The following CPNE4 variants were observed in gnomAD, a reference collection of about 807,000 sequenced individuals.
The protein encoded by CPNE4 is copine 4, also known as copine-4.
In CPNE4, 25 loss-of-function variants were observed where a neutral mutation model predicts 67.9. The ratio of observed to expected loss-of-function variants is 0.37; its 90% CI spans 0.27 to 0.51. The LOEUF (loss-of-function observed/expected upper bound fraction) is 0.51, where lower values mean the gene tolerates loss of function less well. CPNE4 is among the 20% of genes least tolerant of loss of function. The probability of loss-of-function intolerance (pLI) is 0.93; values close to 1 mark genes in which losing one functional copy is unlikely to be tolerated. For missense variants in CPNE4, 464 were observed against 690.8 expected (o/e 0.67, Z 3.68); for synonymous variants, 242 against 244.9 (o/e 0.99, Z 0.11).
intron 2 of CPNE4, among the ~76,000 whole-genome samples, chr3:131,786,715 A>T (rs1386297312): frequency 1.3e-5 from 2 of 152,174 alleles, no homozygotes; most frequent in African/African-American, 4.8e-5. Context: ...AAACTTTCTA[A>T]GAAAATAGGA....
intron 13 of CPNE4, among the ~76,000 whole-genome samples, chr3:131,551,430 A>G (rs1936165529): frequency 6.6e-6 from 1 of 152,122 alleles, no homozygotes; most frequent in African/African-American, 2.4e-5. Context: ...TTCTAAGAGT[A>G]TAAAACAGGT....
intron 2 of CPNE4, among the ~76,000 whole-genome samples, chr3:131,842,099 C>T (rs940798892): frequency 1.3e-5 from 2 of 152,178 alleles, no homozygotes; most frequent in African/African-American, 4.8e-5. Flanking sequence ...GTGCCTGGGC[C>T]AACCTGTCTA....
At chr3:131,653,440 G>C (rs192840822) in intron 7 of CPNE4, among the ~76,000 whole-genome samples, 1 of 151,962 alleles carries the variant, frequency 6.6e-6, no homozygotes, top group African/African-American at 2.4e-5. Context: ...GAGCCACCGC[G>C]CCTGGCCACT....
At chr3:131,960,058 A>G (rs2072119186) in intron 1 of CPNE4, among the ~76,000 whole-genome samples, 1 of 151,916 alleles carries the variant, frequency 6.6e-6, no homozygotes, top group East Asian at 1.9e-4. Flanking sequence ...TATGAGGCAT[A>G]TGGACATGAG....
intron 11 of CPNE4, 78 bp from the exon 12 acceptor site, chr3:131,555,629 T>C: frequency 5.5e-6 from 7 of 1,268,628 alleles, no homozygotes; most frequent in Non-Finnish European, 7.9e-6. Flanking sequence ...AACATTAACC[T>C]ACATTACTAG....
intron 7 of CPNE4, among the ~76,000 whole-genome samples, chr3:131,625,129 A>C (rs58027426): frequency 0.28 from 41,844 of 151,864 alleles, 9,513 homozygotes; most frequent in African/African-American, 0.63. Context: ...CTCATATATA[A>C]CTTATCCAAC....
intron 1 of CPNE4, among the ~76,000 whole-genome samples, chr3:132,030,500 A>C (rs757518424): frequency 2.0e-5 from 3 of 152,214 alleles, no homozygotes; most frequent in Non-Finnish European, 4.4e-5. Flanking sequence ...AGATCAGCTT[A>C]AATGGGCTCC....
intron 1 of CPNE4, among the ~76,000 whole-genome samples, chr3:132,030,024 T>C (rs2074203992): frequency 6.6e-6 from 1 of 151,724 alleles, no homozygotes; most frequent in African/African-American, 2.4e-5. Context: ...TTCAATCACA[T>C]TTATTGGGTA....
At chr3:131,855,431 A>C (rs571964654) in intron 2 of CPNE4, among the ~76,000 whole-genome samples, 1 of 151,994 alleles carries the variant, frequency 6.6e-6, no homozygotes, top group Non-Finnish European at 1.5e-5. Flanking sequence ...AGATATTTTC[A>C]GCTCTTGACT....
chr3:131,643,669 G>A (rs1560035820), intron 7 of CPNE4, among the ~76,000 whole-genome samples: 1 of 152,142 alleles, frequency 6.6e-6, no homozygotes, highest in Non-Finnish European at 1.5e-5. Flanking sequence ...ATCTCATTTT[G>A]AATTGTAGTT....
At chr3:131,537,607 A>G in intron 15 of CPNE4, 1 of 307,774 alleles carries the variant, frequency 3.2e-6, no homozygotes, top group Non-Finnish European at 6.4e-6. Context: ...ATTTCTGATG[A>G]ACATTTTGGT....
chr3:131,775,059 C>T (rs2083260080), intron 2 of CPNE4, among the ~76,000 whole-genome samples: 1 of 152,036 alleles, frequency 6.6e-6, no homozygotes, highest in African/African-American at 2.4e-5. Context: ...TTTCTTCTTT[C>T]TTACCTAGAT....
chr3:131,778,978 T>C (rs2083362359), intron 2 of CPNE4, among the ~76,000 whole-genome samples: 1 of 152,014 alleles, frequency 6.6e-6, no homozygotes, highest in African/African-American at 2.4e-5. Context: ...AATAAACAAC[T>C]TCAACAAAGT....
At chr3:131,900,249 C>T (rs1183701264) in intron 2 of CPNE4, among the ~76,000 whole-genome samples, 1 of 130,968 alleles carries the variant, frequency 7.6e-6, no homozygotes, top group African/African-American at 2.8e-5. Context: ...AGGTGCTCAA[C>T]ATCACTGATC....
At chr3:131,593,998 G>T (rs1020427195) in intron 7 of CPNE4, among the ~76,000 whole-genome samples, 1 of 152,110 alleles carries the variant, frequency 6.6e-6, no homozygotes, top group Admixed American at 6.5e-5. Context: ...GATTACAGGC[G>T]TGAGCCACCA....
At chr3:131,937,789 A>G (rs185760999) in intron 1 of CPNE4, among the ~76,000 whole-genome samples, 74 of 152,246 alleles carry the variant, frequency 4.9e-4, no homozygotes, top group Admixed American at 1.1e-3. Context: ...TATCATTTAA[A>G]ATTGAAAAAT....
In CPNE4 at chr3:131,940,565, ACT is replaced by A. The variant is rs1375357339; in HGVS notation, c.-1-35123_-1-35122del. Among the ~76,000 whole-genome samples, 3 of 152,058 alleles carry A rather than the reference ACT, an allele frequency of 2.0e-5. No individual in the cohort carries two copies. The East Asian group carries it at 5.8e-4, about 29-fold the overall frequency. On this transcript the variant is annotated intron_variant, in intron 1 of 15. Coordinates refer to ENST00000429747, the MANE Select transcript of CPNE4 (RefSeq NM_130808.3). ...TTGAAAATAAATAAAACAAAAAGTG[ACT>A]CTAAAAAAATTAGTCGGGTGTATAT...
In CPNE4 at chr3:131,538,368, C is replaced by G. The variant is rs1369399612; in HGVS notation, c.1540-3039G>C. 1.3e-5 allele frequency among the ~76,000 whole-genome samples: 2 copies of G among 152,172 alleles called. 1 individual carries two copies. The highest frequency in any genetic ancestry group is 4.1e-4 in the South Asian group (2 of 4,824). On this transcript the variant is annotated intron_variant, in intron 15 of 15. Coordinates refer to ENST00000429747, the MANE Select transcript of CPNE4 (RefSeq NM_130808.3). The stretch of plus-strand genomic sequence containing the variant: ...CTACCATATTGGACAGCATTGTTCC[C>G]AAAGGATCCCCCATCCCCTTGCATA...
chr3:131,686,001 T>A (rs1459013138), intron 5 of CPNE4, 43 bp from the exon 6 acceptor site: 1 of 1,066,186 alleles, frequency 9.4e-7, no homozygotes, highest in East Asian at 2.4e-5. Context: ...CCTCCTGCAT[T>A]TGATCTAGTC....
Sources: allele counts gnomAD v4.1 joint callset (sites outside exome capture counted in the v4.1 genomes callset), GRCh38; gene constraint gnomAD v4.1.1; transcripts MANE v1.5; gene names NCBI Gene and HGNC (gene_info 2026-07-23, HGNC 2026-07-21).